Variants in TTC7B observed in about 807,000 individuals in gnomAD.
TTC7B encodes the protein tetratricopeptide repeat domain 7B.
Under a neutral mutation model 106.8 loss-of-function variants are expected in TTC7B, and 28 were observed. That is an observed-to-expected ratio of 0.26 (90% CI 0.19 to 0.36). The LOEUF is 0.36. TTC7B is among the 10% of genes least tolerant of loss of function. The pLI, the probability that TTC7B is intolerant of heterozygous loss-of-function variation, is 1.00. For missense variants in TTC7B, 862 were observed against 1,076.4 expected (o/e 0.80, Z 2.79); for synonymous variants, 405 against 430.6 (o/e 0.94, Z 0.74).
At chr14:90,661,553 TG>T (rs1886207273) in intron 9 of TTC7B, among the ~76,000 whole-genome samples, 1 of 151,684 alleles carries the variant, frequency 6.6e-6, no homozygotes, top group South Asian at 2.1e-4. Context: ...TGAGGGACGA[TG>T]GAGGAGGAGG....
In TTC7B at chr14:90,575,014, G is replaced by A. The variant is rs768193640; in HGVS notation, c.2310+3092C>T. On this transcript the variant is annotated intron_variant, in intron 19 of 19. Coordinates refer to ENST00000328459, the MANE Select transcript of TTC7B (RefSeq NM_001010854.2). This position sits in a 1 kb window ranked among gnomAD's most constrained non-coding sequence, Gnocchi z 5.2. ...TGGCCTCCCTGGCCTCCCCCTCGCC[G>A]CTCTCCCTGTGTGCCAGGCAACTGT... Among the ~76,000 whole-genome samples the A allele has an allele frequency of 8.6e-5, 13 of 152,044 alleles. No individual in the cohort carries two copies. Among genetic ancestry groups the A allele is most frequent in the Non-Finnish European group, 1.6e-4 (11 of 68,008 alleles).
intron 5 of TTC7B, among the ~76,000 whole-genome samples, chr14:90,703,589 A>G (rs1008629675): frequency 4.6e-5 from 7 of 151,492 alleles, no homozygotes; most frequent in African/African-American, 7.3e-5. Flanking sequence ...AAAGAAAGGG[A>G]AAAAAAAAGA....
intron 13 of TTC7B, 155 bp from the exon 14 acceptor site, chr14:90,647,178 C>G (rs891761801): frequency 1.1e-5 from 7 of 659,132 alleles, no homozygotes; most frequent in Non-Finnish European, 1.4e-5. Flanking sequence ...CTTTGTCCAC[C>G]TACACATGTA....
chr14:90,809,478 G>A (rs1424033519), intron 1 of TTC7B, among the ~76,000 whole-genome samples: 3 of 152,242 alleles, frequency 2.0e-5, no homozygotes, highest in Admixed American at 6.5e-5. Context: ...GGGAGTCCGA[G>A]CTGGAAGACA....
intron 3 of TTC7B, among the ~76,000 whole-genome samples, chr14:90,747,328 G>T (rs903794450): frequency 1.3e-5 from 2 of 152,190 alleles, no homozygotes; most frequent in East Asian, 3.8e-4. Context: ...GCTTGAGCCT[G>T]GTCTCTCCTG....
intron 1 of TTC7B, among the ~76,000 whole-genome samples, chr14:90,797,485 G>C (rs1461921476): frequency 6.6e-6 from 1 of 150,988 alleles, no homozygotes; most frequent in Non-Finnish European, 1.5e-5. Flanking sequence ...AGAATGACCA[G>C]AGTGAACTCC....
At chr14:90,804,540 G>A (rs1031555872) in intron 1 of TTC7B, among the ~76,000 whole-genome samples, 4 of 152,292 alleles carry the variant, frequency 2.6e-5, no homozygotes, top group Non-Finnish European at 4.4e-5. Flanking sequence ...GATTCCAGGC[G>A]GAAAGGAGGC....
At chr14:90,774,903 C>G (rs559618655) in intron 3 of TTC7B, among the ~76,000 whole-genome samples, 3 of 152,102 alleles carry the variant, frequency 2.0e-5, no homozygotes, top group Admixed American at 1.3e-4. Flanking sequence ...ATTAGCCAGG[C>G]GTGGTTGCAC....
rs188669432 is a variant in TTC7B, at chr14:90,580,592, C to T, written c.2108-2284G>A. 4.7e-3 allele frequency among the ~76,000 whole-genome samples: 717 copies of T among 152,360 alleles called. 2 individuals are homozygous for T. The highest frequency in any genetic ancestry group is 8.0e-3 in the Non-Finnish European group (543 of 68,034). Reference sequence around the variant, plus strand: ...GCTTCCTACCGCCTCCCGGAACCCCCGGGCTCTGGCCTTGCTAGTGCTGCT... The same window carrying T: ...GCTTCCTACCGCCTCCCGGAACCCCTGGGCTCTGGCCTTGCTAGTGCTGCT... On this transcript the variant is annotated intron_variant, in intron 18 of 19. Transcript: ENST00000328459.
intron 5 of TTC7B, among the ~76,000 whole-genome samples, chr14:90,719,318 C>T (rs1274604359): frequency 6.6e-6 from 1 of 152,108 alleles, no homozygotes; most frequent in Non-Finnish European, 1.5e-5. Flanking sequence ...GGTTAACTTT[C>T]CAGTTTTGTT....
At chr14:90,656,421 G>A (rs1336995272) in intron 11 of TTC7B, among the ~76,000 whole-genome samples, 2 of 152,136 alleles carry the variant, frequency 1.3e-5, no homozygotes, top group Admixed American at 1.3e-4. Context: ...CTCAAATGAT[G>A]TATTTTCTGA....
At chr14:90,705,944 A>G (rs1888189002) in intron 5 of TTC7B, among the ~76,000 whole-genome samples, 1 of 152,090 alleles carries the variant, frequency 6.6e-6, no homozygotes, top group Non-Finnish European at 1.5e-5. Flanking sequence ...AGTTCAATAC[A>G]TGCCTCTGTT....
intron 1 of TTC7B, among the ~76,000 whole-genome samples, chr14:90,793,580 CTTTT>C (rs1891661614): frequency 6.9e-6 from 1 of 145,228 alleles, no homozygotes; most frequent in Non-Finnish European, 1.5e-5. Flanking sequence ...TCAGGTATTT[CTTTT>C]GTTTGTTTGT....
At chr14:90,816,108 T>G (rs2401918) in intron 1 of TTC7B, 67 bp downstream of exon 1, 349,028 of 982,124 alleles carry the variant, frequency 0.36, 63,150 homozygotes, top group Non-Finnish European at 0.37. Flanking sequence ...CGGCCGCGCC[T>G]CGGGGGCCCG....
chr14:90,731,412 A>C lies in TTC7B; in HGVS notation c.577-1216T>G, dbSNP rs188473806. ...TTGTTTGCCAAACCCCAAACATCCT[A>C]GAGGTCTTGAAACCTTAGTCTCCAA... On this transcript the variant is annotated intron_variant, in intron 4 of 19. Coordinates refer to ENST00000328459, the MANE Select transcript of TTC7B (RefSeq NM_001010854.2). Among the ~76,000 whole-genome samples the C allele has an allele frequency of 1.3e-3, 204 of 152,346 alleles. 1 individual carries two copies. Among genetic ancestry groups the C allele is most frequent in the African/African-American group, 4.8e-3 (199 of 41,590 alleles).
chr14:90,583,366 G>A (rs1891581582), intron 18 of TTC7B, among the ~76,000 whole-genome samples: 1 of 152,202 alleles, frequency 6.6e-6, no homozygotes, highest in African/African-American at 2.4e-5. Flanking sequence ...CTGGGTGTGG[G>A]TCAGAGCAGG....
intron 9 of TTC7B, among the ~76,000 whole-genome samples, chr14:90,673,091 A>G (rs926533309): frequency 6.6e-6 from 1 of 152,206 alleles, no homozygotes; most frequent in Non-Finnish European, 1.5e-5. Flanking sequence ...TATGTTGATG[A>G]CCTGAGTTTG....
rs139632068 is a variant in TTC7B, at chr14:90,527,807, C to T, written c.*13561G>A. On this transcript the variant is annotated 3_prime_UTR_variant, in exon 20 of 20. Coordinates refer to ENST00000328459, the MANE Select transcript of TTC7B (RefSeq NM_001010854.2). ...ATCTCCTGACCTCATGATCCACCCA[C>T]CTCAGCCTCCCAAAGTGCTGGGATT... The T allele has an allele frequency of 5.9e-3, 894 of 151,866 alleles. 9 individuals carry two copies. The highest frequency in any genetic ancestry group is 0.02 in the Middle Eastern group (6 of 296). The allele number at this position is 151,866 out of a possible 1,614,324, so 9.4% of individuals were successfully genotyped here. A position where few individuals can be genotyped will look rare whatever the true frequency, so the allele number is the denominator to read the frequency against.
At chr14:90,699,824 T>C (rs1887914633) in intron 5 of TTC7B, among the ~76,000 whole-genome samples, 1 of 152,148 alleles carries the variant, frequency 6.6e-6, no homozygotes, top group African/African-American at 2.4e-5. Flanking sequence ...GAGGACACAC[T>C]GTTGAGCAGG....
Sources: gnomAD v4.1 joint callset for allele counts (sites outside exome capture counted in the v4.1 genomes callset) on GRCh38, gnomAD v4.1.1 for gene constraint, Gnocchi (gnomAD v3.1) non-coding constraint, MANE v1.5 for transcripts, NCBI Gene and HGNC (gene_info 2026-07-23, HGNC 2026-07-21) for gene names.